Variants in PLXDC2 observed in about 807,000 individuals in gnomAD.
PLXDC2 encodes the protein plexin domain-containing protein 2.
Under a neutral mutation model 68.9 loss-of-function variants are expected in PLXDC2, and 40 were observed. The observed-to-expected ratio is 0.58, with a 90% CI of 0.45 to 0.76. PLXDC2 has a LOEUF of 0.76. PLXDC2 is among the 30% of genes least tolerant of loss of function. The pLI is 0.00. For synonymous variants in PLXDC2, 243 were observed against 234.2 expected (o/e 1.04, Z -0.34); for missense variants, 644 against 661.9 (o/e 0.97, Z 0.30).
chr10:20,057,982 G>A (rs574875886), intron 3 of PLXDC2, among the ~76,000 whole-genome samples: 1 of 151,846 alleles, frequency 6.6e-6, no homozygotes, highest in Admixed American at 6.6e-5. Context: ...TTTCATTTGG[G>A]ATGATTTCCA....
rs1270547987 is a variant in PLXDC2 at position 20,284,662 on chromosome 10, C to T, written c.*4843C>T. The stretch of plus-strand genomic sequence containing the variant: ...TGTTACAGATAAGTAAACTGAGGCC[C>T]AAAGAGATATAGTAATAGTCCCAGT... On this transcript the variant is annotated 3_prime_UTR_variant, in exon 14 of 14. Transcript: ENST00000377252. 6.6e-6 allele frequency: 1 copy of T among 151,930 alleles called. No homozygotes were observed. The highest frequency in any genetic ancestry group is 2.4e-5 in the African/African-American group (1 of 41,368). The allele number at this position is 151,930 out of a possible 1,614,324, so 9.4% of individuals were successfully genotyped here.
At chr10:20,224,022 T>C (rs1422013842) in intron 12 of PLXDC2, among the ~76,000 whole-genome samples, 6 of 151,016 alleles carry the variant, frequency 4.0e-5, no homozygotes, top group African/African-American at 1.2e-4. Flanking sequence ...TCCCCCAGGC[T>C]GGAGTGCAGT....
At chr10:20,034,362 G>T (rs1564290101) in intron 2 of PLXDC2, among the ~76,000 whole-genome samples, 1 of 152,056 alleles carries the variant, frequency 6.6e-6, no homozygotes, top group Non-Finnish European at 1.5e-5. Context: ...TCTCTTTAGG[G>T]TAATAATTCT....
At chr10:19,903,498 T>C (rs1379076436) in intron 1 of PLXDC2, among the ~76,000 whole-genome samples, 2 of 152,112 alleles carry the variant, frequency 1.3e-5, no homozygotes, top group Non-Finnish European at 2.9e-5. Flanking sequence ...TAATCTTTTG[T>C]ATTTCTGTGG....
intron 13 of PLXDC2, among the ~76,000 whole-genome samples, chr10:20,269,283 G>A (rs935426363): frequency 6.7e-6 from 1 of 150,246 alleles, no homozygotes; most frequent in Non-Finnish European, 1.5e-5. Context: ...AGCTTAGTAT[G>A]CATCTAAAGA....
intron 1 of PLXDC2, among the ~76,000 whole-genome samples, chr10:19,868,317 G>T (rs1327357604): frequency 1.3e-5 from 2 of 151,986 alleles, no homozygotes; most frequent in Non-Finnish European, 1.5e-5. Flanking sequence ...TCCCTTCTTT[G>T]TGACCATTTC....
intron 9 of PLXDC2, among the ~76,000 whole-genome samples, chr10:20,200,865 G>A (rs879142379): frequency 6.6e-6 from 1 of 152,000 alleles, no homozygotes; most frequent in Admixed American, 6.6e-5. Context: ...TCATCAAAAA[G>A]ATAAAAAGTA....
chr10:20,233,987 C>T (rs1588533893), intron 12 of PLXDC2, among the ~76,000 whole-genome samples: 1 of 144,910 alleles, frequency 6.9e-6, no homozygotes, highest in African/African-American at 2.6e-5. Flanking sequence ...TGCCCACCTA[C>T]TTTTTTTTTT....
chr10:20,012,519 TTTTGCCTTG>T (rs1835138334), intron 2 of PLXDC2, among the ~76,000 whole-genome samples: 1 of 150,688 alleles, frequency 6.6e-6, no homozygotes, highest in African/African-American at 2.4e-5. Context: ...AGAGATGGGG[TTTTGCCTTG>T]TTGGCCAGGC....
chr10:20,197,313 A>C (rs1481326719), intron 9 of PLXDC2, among the ~76,000 whole-genome samples: 1 of 152,108 alleles, frequency 6.6e-6, no homozygotes, highest in Non-Finnish European at 1.5e-5. Context: ...ACCATATATC[A>C]GCTTCAGATT....
At chr10:19,823,431 A>G (rs1836514196) in intron 1 of PLXDC2, among the ~76,000 whole-genome samples, 1 of 152,004 alleles carries the variant, frequency 6.6e-6, no homozygotes. Context: ...CTGTGATCCC[A>G]GCACTTTTTT....
chr10:19,901,101 T>C (rs963967340), intron 1 of PLXDC2, among the ~76,000 whole-genome samples: 1 of 152,018 alleles, frequency 6.6e-6, no homozygotes, highest in Non-Finnish European at 1.5e-5. Flanking sequence ...GCTGGCTCTA[T>C]ATTTTTGCAA....
At chr10:19,929,028 T>A (rs1833585191) in intron 1 of PLXDC2, among the ~76,000 whole-genome samples, 1 of 151,798 alleles carries the variant, frequency 6.6e-6, no homozygotes, top group Admixed American at 6.5e-5. Flanking sequence ...GTGCTGAGAT[T>A]ACAGATGTGA....
chr10:19,915,566 T>C (rs1231242399), intron 1 of PLXDC2, among the ~76,000 whole-genome samples: 1 of 152,222 alleles, frequency 6.6e-6, no homozygotes, highest in African/African-American at 2.4e-5. Flanking sequence ...TCTATTGTTC[T>C]TCCTTTGCAC....
At chr10:20,181,839 T>C (rs1834608870) in intron 9 of PLXDC2, among the ~76,000 whole-genome samples, 1 of 152,010 alleles carries the variant, frequency 6.6e-6, no homozygotes, top group Admixed American at 6.6e-5. Context: ...AGAAGGGATG[T>C]GATTTTACCA....
At chr10:19,991,508 A>C (rs763603590) in intron 1 of PLXDC2, among the ~76,000 whole-genome samples, 5 of 152,170 alleles carry the variant, frequency 3.3e-5, no homozygotes, top group Admixed American at 6.5e-5. Flanking sequence ...CAGAATGGGA[A>C]CTGGGTAAGT....
chr10:19,955,456 T>C (rs1834054991), intron 1 of PLXDC2, among the ~76,000 whole-genome samples: 1 of 152,104 alleles, frequency 6.6e-6, no homozygotes, highest in Admixed American at 6.5e-5. Flanking sequence ...ATGGCACCCA[T>C]ATTCTCTAAC....
chr10:19,926,130 G>T (rs1833534572), intron 1 of PLXDC2, among the ~76,000 whole-genome samples: 1 of 152,154 alleles, frequency 6.6e-6, no homozygotes, highest in Non-Finnish European at 1.5e-5. Context: ...TACCTGGTCT[G>T]GTTTAACTAG....
chr10:20,281,961 C>G lies in PLXDC2; in HGVS notation c.*2142C>G, dbSNP rs907443271. 3 of 151,920 alleles carry G rather than the reference C, an allele frequency of 2.0e-5. No individual in the cohort carries two copies. The highest frequency in any genetic ancestry group is 7.3e-5 in the African/African-American group (3 of 41,346). 9.4% of individuals were successfully genotyped at this position (151,920 alleles called of 1,614,324 possible). ...TGCATGTGTATTCTTAGTTTGTGTC[C>G]CTTAAGTACTACTTAATTCTCAAGT... On this transcript the variant is annotated 3_prime_UTR_variant, in exon 14 of 14. Coordinates refer to ENST00000377252, the MANE Select transcript of PLXDC2 (RefSeq NM_032812.9).
Sources: gnomAD v4.1 joint callset for allele counts (sites outside exome capture counted in the v4.1 genomes callset) on GRCh38, gnomAD v4.1.1 for gene constraint, MANE v1.5 for transcripts, NCBI Gene and HGNC (gene_info 2026-07-23, HGNC 2026-07-21) for gene names.